QSER1: variants seen among roughly 807,000 people sequenced by gnomAD.
QSER1 encodes the protein glutamine and serine rich 1.
QSER1 carries 49 observed loss-of-function variants against 158.5 expected under a neutral mutation model. The ratio of observed to expected loss-of-function variants is 0.31; its 90% CI spans 0.25 to 0.39. QSER1 has a LOEUF of 0.39. Among genes scored for constraint, QSER1 ranks in the 10% least tolerant of loss-of-function variants. QSER1 has a pLI of 1.00. For missense variants in QSER1, 1,754 were observed against 2,010.3 expected (o/e 0.87, Z 2.44); for synonymous variants, 650 against 715.5 (o/e 0.91, Z 1.46).
intron 1 of QSER1, 46 bp from the exon 2 acceptor site, chr11:32,927,111 T>G (rs1399711372): frequency 6.6e-6 from 1 of 152,598 alleles, no homozygotes; most frequent in Non-Finnish European, 1.5e-5. Flanking sequence ...TTTTATCAGA[T>G]GGTTTGGACT....
At chr11:32,914,807 T>C (rs1400675720) in intron 1 of QSER1, among the ~76,000 whole-genome samples, 1 of 152,240 alleles carries the variant, frequency 6.6e-6, no homozygotes, top group East Asian at 1.9e-4. Context: ...TATATCTGCT[T>C]TAGAAATTAA....
chr11:32,921,649 G>C (rs1386392810), intron 1 of QSER1, among the ~76,000 whole-genome samples: 1 of 152,152 alleles, frequency 6.6e-6, no homozygotes, highest in Non-Finnish European at 1.5e-5. Flanking sequence ...AGAAACAGCT[G>C]TACCATATTC....
rs1034074977 is a variant in QSER1 at position 32,935,419 on chromosome 11, TAAA to T, written c.4164_4166del (p.Lys1391del). On this transcript the variant is annotated inframe_deletion, in exon 4 of 13. Coordinates refer to ENST00000650167, the MANE Select transcript of QSER1 (RefSeq NM_001076786.3). Reference sequence around the variant, plus strand: ...TAACTACTTTGGATGCTACTTCTGATAAAAAGAAGAAAACAGGTAAAGTTTTAC... The same window carrying T: ...TAACTACTTTGGATGCTACTTCTGATAAGAAGAAAACAGGTAAAGTTTTAC... 2.0e-6 allele frequency: 3 copies of T among 1,512,366 alleles called. No individual in the cohort carries two copies. The highest frequency in any genetic ancestry group is 2.6e-6 in the Non-Finnish European group (3 of 1,138,468). 93.7% of individuals were successfully genotyped at this position (1,512,366 alleles called of 1,614,324 possible).
chr11:32,962,392 T>C (rs1001484434), intron 8 of QSER1, among the ~76,000 whole-genome samples: 2 of 152,220 alleles, frequency 1.3e-5, no homozygotes, highest in African/African-American at 4.8e-5. Flanking sequence ...TGTAGGAGTT[T>C]TTTAATATAT....
chr11:32,970,036 A>G (rs980752454), intron 10 of QSER1, among the ~76,000 whole-genome samples: 4 of 152,202 alleles, frequency 2.6e-5, no homozygotes, highest in Non-Finnish European at 5.9e-5. Flanking sequence ...TAACGTGCAC[A>G]TGGGAGAGAA....
chr11:32,948,338 G>A (rs16923664), intron 4 of QSER1, among the ~76,000 whole-genome samples: 5,755 of 152,294 alleles, frequency 0.038, 373 homozygotes, highest in African/African-American at 0.13. Flanking sequence ...TTAACCTCTA[G>A]AGCAAATCAC....
chr11:32,963,037 G>C (rs12795566), intron 8 of QSER1, among the ~76,000 whole-genome samples: 2 of 152,118 alleles, frequency 1.3e-5, no homozygotes, highest in African/African-American at 4.8e-5. Context: ...TATTTATGCA[G>C]AAGTGCTTTA....
intron 1 of QSER1, among the ~76,000 whole-genome samples, chr11:32,904,255 C>T (rs1228871344): frequency 1.3e-5 from 2 of 148,714 alleles, no homozygotes; most frequent in Non-Finnish European, 1.5e-5. Flanking sequence ...TGCAGTGGTG[C>T]AATCTCAGCT....
At chr11:32,923,519 C>CA (rs570238517) in intron 1 of QSER1, among the ~76,000 whole-genome samples, 14 of 150,452 alleles carry the variant, frequency 9.3e-5, no homozygotes, top group Admixed American at 2.0e-4. Context: ...ACTAAAAATA[C>CA]AAAAAAAAAT....
chr11:32,905,106 C>T (rs966219505), intron 1 of QSER1, among the ~76,000 whole-genome samples: 1 of 152,160 alleles, frequency 6.6e-6, no homozygotes, highest in African/African-American at 2.4e-5. Flanking sequence ...GGATCCTGAC[C>T]GTGTAGCTTG....
chr11:32,904,518 C>T (rs951176031), intron 1 of QSER1, among the ~76,000 whole-genome samples: 7 of 151,218 alleles, frequency 4.6e-5, no homozygotes, highest in Admixed American at 2.6e-4. Context: ...ATGTGCTAGC[C>T]GTGAATATGA....
At chr11:32,966,711 T>C (rs1784606043) in intron 9 of QSER1, among the ~76,000 whole-genome samples, 1 of 152,232 alleles carries the variant, frequency 6.6e-6, no homozygotes, top group African/African-American at 2.4e-5. Flanking sequence ...ATAAATAGTT[T>C]ACTAAGTGTT....
At chr11:32,963,182 G>A (rs1418209087) in intron 8 of QSER1, among the ~76,000 whole-genome samples, 1 of 152,150 alleles carries the variant, frequency 6.6e-6, no homozygotes, top group African/African-American at 2.4e-5. Flanking sequence ...TTGAGACAAG[G>A]TCTCACTCTG....
chr11:32,934,894 A>C lies in QSER1; in HGVS notation c.3636A>C (p.Lys1212Asn). The C allele has an allele frequency of 1.2e-6, 2 of 1,613,928 alleles. No individual in the cohort carries two copies. The highest frequency in any genetic ancestry group is 1.7e-6 in the Non-Finnish European group (2 of 1,179,964). The change falls in exon 4 of 13, where the codon AAA becomes AAC. Residue 1212 changes from lysine (K) to asparagine (N), a missense_variant. Coordinates refer to ENST00000650167, the MANE Select transcript of QSER1 (RefSeq NM_001076786.3). ...KKRAKGKGQVKEEDNSNQKQL... is the reference protein window; with the variant it reads ...KKRAKGKGQVNEEDNSNQKQL... ...GAGCTAAAGGAAAAGGGCAAGTTAA[A>C]GAGGAAGACAACAGTAATCAGAAAC...
In QSER1 at chr11:32,932,461, G is replaced by A. The variant is rs1394870842; in HGVS notation, c.1203G>A (p.Gly401=). ...QSYSSAIPSS[G]YPPSTTKIKS... ...ACTCATCTGCGATTCCATCATCAGG[G>A]TATCCTCCTTCTACTACAAAAATAA... The change falls in exon 4 of 13, where the codon GGG becomes GGA. Residue 401 remains glycine, a synonymous_variant. Transcript: ENST00000650167. 14 of 1,613,428 alleles carry A rather than the reference G, an allele frequency of 8.7e-6. No individual in the cohort carries two copies. The highest frequency in any genetic ancestry group is 2.2e-5 in the South Asian group (2 of 91,066).
intron 1 of QSER1, among the ~76,000 whole-genome samples, chr11:32,917,313 A>G (rs185307945): frequency 5.9e-4 from 90 of 152,286 alleles, no homozygotes; most frequent in African/African-American, 1.8e-3. Context: ...TAATGTTGCT[A>G]TGAACATTTA....
chr11:32,953,640 T>A (rs1233428934), intron 4 of QSER1, among the ~76,000 whole-genome samples: 1 of 152,232 alleles, frequency 6.6e-6, no homozygotes, highest in Non-Finnish European at 1.5e-5. Context: ...AGGTAGATAG[T>A]TGCAGGTTTG....
chr11:32,938,144 T>C (rs1244501312), intron 4 of QSER1, among the ~76,000 whole-genome samples: 3 of 152,196 alleles, frequency 2.0e-5, no homozygotes, highest in Non-Finnish European at 4.4e-5. Context: ...TCTAGAATCA[T>C]AGTGCTGTGA....
chr11:32,926,401 T>A (rs972342776), intron 1 of QSER1, among the ~76,000 whole-genome samples: 3 of 152,156 alleles, frequency 2.0e-5, no homozygotes, highest in African/African-American at 7.2e-5. Context: ...GAGATGCAAC[T>A]GATGATATCT....
Sources: allele counts gnomAD v4.1 joint callset (sites outside exome capture counted in the v4.1 genomes callset), GRCh38; gene constraint gnomAD v4.1.1; transcripts MANE v1.5; gene names NCBI Gene and HGNC (gene_info 2026-07-23, HGNC 2026-07-21).